Variants in ZNF70 observed in about 807,000 individuals in gnomAD.
ZNF70 encodes the protein zinc finger protein N27C7-1.
ZNF70 carries 18 observed loss-of-function variants against 37.7 expected under a neutral mutation model. The ratio of observed to expected loss-of-function variants is 0.48; its 90% CI spans 0.33 to 0.71. ZNF70 has a LOEUF of 0.71. Ranked by LOEUF, ZNF70 falls within the 30% of genes least tolerant of loss-of-function variation. The pLI, the probability that ZNF70 is intolerant of heterozygous loss-of-function variation, is 0.02. For synonymous variants in ZNF70, 219 were observed against 220.1 expected (o/e 0.99, Z 0.05); for missense variants, 506 against 568.6 (o/e 0.89, Z 1.12).
intron 1 of ZNF70, among the ~76,000 whole-genome samples, chr22:23,748,895 A>T (rs1166648543): frequency 1.7e-5 from 2 of 115,658 alleles, no homozygotes; most frequent in Admixed American, 1.7e-4. Flanking sequence ...GACTGGATAT[A>T]AAAAAAAAAG....
At chr22:23,746,014 G>A (rs192241003) in intron 1 of ZNF70, among the ~76,000 whole-genome samples, 127 of 152,274 alleles carry the variant, frequency 8.3e-4, no homozygotes, top group African/African-American at 2.6e-3. Context: ...TGCATGGGCA[G>A]CGTCTCTGTC....
At position 23,744,964 on chromosome 22, in the gene ZNF70, T is replaced by C. The variant is rs753215907; in HGVS notation, c.177A>G (p.Glu59=). ...KEIPLGEQDE[E]NDDYEGNFSL... ...TGAAATTCCCCTCGTAATCATCATT[T>C]TCTTCGTCCTGCTCACCAAGAGGGA... Residue 59 remains glutamate (E), a synonymous_variant, in exon 2 of 2, where the codon GAA becomes GAG. Coordinates refer to ENST00000341976, the MANE Select transcript of ZNF70 (RefSeq NM_021916.4). 2.5e-6 allele frequency: 4 copies of C among 1,614,204 alleles called. No homozygotes were observed. In the Admixed American group the frequency reaches 6.7e-5, roughly 27 times the overall value.
rs909634952 is a variant in ZNF70, at chr22:23,740,978, C to T, written c.*2822G>A. On this transcript the variant is annotated 3_prime_UTR_variant, in exon 2 of 2. Transcript: ENST00000341976. ...TGCACATTTCAAAATGCAAGAACAG[C>T]ACAGAATTATGAGCTGGGAGTGATG... 2.6e-5 allele frequency: 4 copies of T among 152,120 alleles called. No homozygotes were observed. Among genetic ancestry groups the T allele is most frequent in the African/African-American group, 9.7e-5 (4 of 41,354 alleles). 9.4% of individuals were successfully genotyped at this position (152,120 alleles called of 1,614,324 possible).
In ZNF70 at chr22:23,743,614, G is replaced by A; in HGVS notation, c.*186C>T. On this transcript the variant is annotated 3_prime_UTR_variant, in exon 2 of 2. Coordinates refer to ENST00000341976, the MANE Select transcript of ZNF70 (RefSeq NM_021916.4). The stretch of plus-strand genomic sequence containing the variant: ...ACCTTCCCTTCCATGCAGAAAACCT[G>A]CTGAGAGCTGGCGTGCTTGGCCCAG... The A allele has an allele frequency of 1.3e-6, 1 of 772,140 alleles. No individual in the cohort carries two copies. Among genetic ancestry groups the A allele is most frequent in the Non-Finnish European group, 2.0e-6 (1 of 499,096 alleles). 47.8% of individuals were successfully genotyped at this position (772,140 alleles called of 1,614,324 possible). A position where few individuals can be genotyped will look rare whatever the true frequency, so the allele number is the denominator to read the frequency against.
rs183661793 is a variant in ZNF70, at chr22:23,739,130, C to T, written c.*4670G>A. On this transcript the variant is annotated 3_prime_UTR_variant, in exon 2 of 2. Transcript: ENST00000341976. ...AAATAGAACTGGTAGAATAAAAACA[C>T]ATTTTGAGATTACACAAATGCTTTT... 4 of 152,226 alleles carry T rather than the reference C, an allele frequency of 2.6e-5. No individual in the cohort carries two copies. In the East Asian group the frequency reaches 7.7e-4, roughly 29 times the overall value. 9.4% of individuals were successfully genotyped at this position (152,226 alleles called of 1,614,324 possible). A position where few individuals can be genotyped will look rare whatever the true frequency, so the allele number is the denominator to read the frequency against.
At chr22:23,745,257 T>A in intron 1 of ZNF70, 38 bp from the exon 2 acceptor site, 1 of 1,108,078 alleles carries the variant, frequency 9.0e-7, no homozygotes, top group Non-Finnish European at 1.3e-6. Flanking sequence ...AGTCAGCAAG[T>A]CAAGCAGCTC....
chr22:23,743,716 G>C lies in ZNF70; in HGVS notation c.*84C>G. 1 of 1,512,814 alleles carries C rather than the reference G, an allele frequency of 6.6e-7. No homozygotes were observed. The highest frequency in any genetic ancestry group is 8.9e-7 in the Non-Finnish European group (1 of 1,127,430). 93.7% of individuals were successfully genotyped at this position (1,512,814 alleles called of 1,614,324 possible). A position where few individuals can be genotyped will look rare whatever the true frequency, so the allele number is the denominator to read the frequency against. Reference sequence around the variant, plus strand: ...AAGGTTTCCATTCAGCATCAGGGAGGTAGGTGGGGTCTTGGAGACCACGCG... The same window carrying C: ...AAGGTTTCCATTCAGCATCAGGGAGCTAGGTGGGGTCTTGGAGACCACGCG... On this transcript the variant is annotated 3_prime_UTR_variant, in exon 2 of 2. Transcript: ENST00000341976.
rs375856223 is a variant in ZNF70, at chr22:23,739,036, G to A, written c.*4764C>T. On this transcript the variant is annotated 3_prime_UTR_variant, in exon 2 of 2. Coordinates refer to ENST00000341976, the MANE Select transcript of ZNF70 (RefSeq NM_021916.4). ...GGCAGGCCATGGACCCCCAGATTAA[G>A]AACTCTAAAGTAAATGAAAGTCAGA... The A allele has an allele frequency of 3.4e-4, 51 of 152,114 alleles. No individual in the cohort carries two copies. The highest frequency in any genetic ancestry group is 1.1e-3 in the African/African-American group (46 of 41,496). The allele number at this position is 152,114 out of a possible 1,614,324, so 9.4% of individuals were successfully genotyped here. A position where few individuals can be genotyped will look rare whatever the true frequency, so the allele number is the denominator to read the frequency against.
chr22:23,746,773 G>A (rs1385619634), intron 1 of ZNF70, among the ~76,000 whole-genome samples: 1 of 151,898 alleles, frequency 6.6e-6, no homozygotes, highest in African/African-American at 2.4e-5. Flanking sequence ...CTTTCTTTTT[G>A]TAGAGATGAG....
Position 23,744,594 on chromosome 22 carries a change from G to T in ZNF70, c.547C>A (p.Leu183Met), listed in dbSNP as rs772013822. Residue 183 changes from leucine to methionine, a missense_variant, in exon 2 of 2, where the codon CTG (leucine) becomes ATG (methionine). Transcript: ENST00000341976. ...CGKAFSQSSHLLRHQIIHTGE... is the reference protein window; with the variant it reads ...CGKAFSQSSHMLRHQIIHTGE... ...GTGTGGATGATCTGGTGCCTGAGCA[G>T]GTGGGAGCTCTGGCTGAAGGCCTTC... 1 of 1,613,952 alleles carries T rather than the reference G, an allele frequency of 6.2e-7. No individual in the cohort carries two copies. Among genetic ancestry groups the T allele is most frequent in the South Asian group, 1.1e-5 (1 of 91,082 alleles).
Position 23,744,049 on chromosome 22 carries a change from G to A in ZNF70, c.1092C>T (p.Tyr364=), listed in dbSNP as rs756309747. ...HQRIHTGEKP[Y]ECCQCGKAFC... Reference sequence around the variant, plus strand: ...AGGCCTTGCCACACTGACAGCACTCGTAGGGCTTCTCACCGGTGTGGATGC... The same window carrying A: ...AGGCCTTGCCACACTGACAGCACTCATAGGGCTTCTCACCGGTGTGGATGC... The change falls in exon 2 of 2, where the codon TAC becomes TAT. Residue 364 remains tyrosine, a synonymous_variant. Coordinates refer to ENST00000341976, the MANE Select transcript of ZNF70 (RefSeq NM_021916.4). The A allele has an allele frequency of 1.2e-4, 200 of 1,614,212 alleles. No individual in the cohort carries two copies. The Middle Eastern group carries it at 1.3e-3, about 11-fold the overall frequency.
At position 23,744,168 on chromosome 22, in the gene ZNF70, C is replaced by G; in HGVS notation, c.973G>C (p.Glu325Gln). The G allele has an allele frequency of 6.2e-7, 1 of 1,613,908 alleles. No individual in the cohort carries two copies. Among genetic ancestry groups the G allele is most frequent in the South Asian group, 1.1e-5 (1 of 91,058 alleles). The change falls in exon 2 of 2, where the codon GAG becomes CAG. Residue 325 changes from glutamate to glutamine, a missense_variant. Transcript: ENST00000341976. ...TCGCCAGTGTGGGTCTTGCGGTGCT[C>G]AATGAGGTTGGAGCTCTGGCTGAAG... ...KAFSQSSNLI[E>Q]HRKTHTGEKP...
chr22:23,749,218 C>G (rs1008677818), intron 1 of ZNF70, among the ~76,000 whole-genome samples: 1 of 151,344 alleles, frequency 6.6e-6, no homozygotes, highest in Non-Finnish European at 1.5e-5. Flanking sequence ...AAAATTACAG[C>G]GCGTCTGTAA....
chr22:23,740,694 G>C lies in ZNF70; in HGVS notation c.*3106C>G, dbSNP rs1601315165. 6.9e-6 allele frequency: 1 copy of C among 145,054 alleles called. No homozygotes were observed. Among genetic ancestry groups the C allele is most frequent in the East Asian group, 2.3e-4 (1 of 4,420 alleles). The allele number at this position is 145,054 out of a possible 1,614,324, so 9.0% of individuals were successfully genotyped here. A position where few individuals can be genotyped will look rare whatever the true frequency, so the allele number is the denominator to read the frequency against. On this transcript the variant is annotated 3_prime_UTR_variant, in exon 2 of 2. Transcript: ENST00000341976. Reference sequence around the variant, plus strand: ...GAATCACTTGAACCCGGGAGGCAGAGGTTGCAGCAAGCCAAGATCGCACCA... The same window carrying C: ...GAATCACTTGAACCCGGGAGGCAGACGTTGCAGCAAGCCAAGATCGCACCA...
chr22:23,738,995 A>G lies in ZNF70; in HGVS notation c.*4805T>C, dbSNP rs1003067100. 2 of 152,192 alleles carry G rather than the reference A, an allele frequency of 1.3e-5. No homozygotes were observed. Among genetic ancestry groups the G allele is most frequent in the Non-Finnish European group, 2.9e-5 (2 of 68,038 alleles). The allele number at this position is 152,192 out of a possible 1,614,324, so 9.4% of individuals were successfully genotyped here. On this transcript the variant is annotated 3_prime_UTR_variant, in exon 2 of 2. Transcript: ENST00000341976. ...GGGTCTGCAACTCCTAAACCCCTAC[A>G]TGCTAAAGACTCCTAGGCAGGCCAT... is the stretch of plus-strand genomic sequence containing the variant.
At chr22:23,746,201 C>CTTTTTTTTTTT (rs760293135) in intron 1 of ZNF70, among the ~76,000 whole-genome samples, 1 of 114,232 alleles carries the variant, frequency 8.8e-6, no homozygotes, top group Non-Finnish European at 1.8e-5. Flanking sequence ...TGGTGGTTCC[C>CTTTTTTTTTTT]TTTTTTTTTT....
intron 1 of ZNF70, 105 bp from the exon 2 acceptor site, chr22:23,745,324 G>T: frequency 1.5e-6 from 1 of 662,764 alleles, no homozygotes; most frequent in African/African-American, 1.8e-5. Context: ...ATACGCATAA[G>T]ACACAATCTT....
chr22:23,750,565 G>A (rs1036256489), intron 1 of ZNF70, 146 bp downstream of exon 1: 1 of 152,042 alleles, frequency 6.6e-6, no homozygotes, highest in Non-Finnish European at 1.5e-5. Context: ...ACTTCCCTCC[G>A]TAGAGGTTTT....
chr22:23,749,233 AG>A (rs1330801561), intron 1 of ZNF70, among the ~76,000 whole-genome samples: 1 of 151,300 alleles, frequency 6.6e-6, no homozygotes, highest in Non-Finnish European at 1.5e-5. Flanking sequence ...CTGTAATCCC[AG>A]CTACTCCGGG....
Sources: allele counts gnomAD v4.1 joint callset (sites outside exome capture counted in the v4.1 genomes callset), GRCh38; gene constraint gnomAD v4.1.1; transcripts MANE v1.5; gene names NCBI Gene and HGNC (gene_info 2026-07-23, HGNC 2026-07-21).